The following NTRK3 variants were observed in gnomAD, a reference collection of about 807,000 sequenced individuals.
NTRK3 encodes the protein NT-3 growth factor receptor.
Under a neutral mutation model 91.7 loss-of-function variants are expected in NTRK3, and 24 were observed. The observed-to-expected ratio is 0.26, with a 90% CI of 0.19 to 0.37. NTRK3 has a LOEUF of 0.37. Among genes scored for constraint, NTRK3 ranks in the 10% least tolerant of loss-of-function variants. The pLI is 1.00. For synonymous variants in NTRK3, 483 were observed against 404.0 expected (o/e 1.20, Z -2.34); for missense variants, 880 against 1,068.9 (o/e 0.82, Z 2.46).
At chr15:87,933,926 C>T (rs1274867464) in intron 15 of NTRK3, among the ~76,000 whole-genome samples, 1 of 152,148 alleles carries the variant, frequency 6.6e-6, no homozygotes, top group African/African-American at 2.4e-5. Flanking sequence ...CAGAATGCCA[C>T]CATTCAGCCT....
exon 16 of NTRK3, chr15:87,933,167 G>A (rs2141957581): frequency 6.2e-7 from 1 of 1,614,142 alleles, no homozygotes; most frequent in Non-Finnish European, 8.5e-7. Flanking sequence ...GGGCAGCCAG[G>A]GTGGGATCCT....
chr15:87,882,836 G>C (rs2065326228), intron 17 of NTRK3, among the ~76,000 whole-genome samples: 1 of 151,954 alleles, frequency 6.6e-6, no homozygotes, highest in Non-Finnish European at 1.5e-5. Context: ...ATACCAAAAA[G>C]ACTACAGAAA....
intron 14 of NTRK3, among the ~76,000 whole-genome samples, chr15:87,983,092 A>G (rs2074435584): frequency 6.6e-6 from 1 of 152,176 alleles, no homozygotes. Context: ...TACCAAATGC[A>G]GTTCTATAGA....
At chr15:87,967,087 C>T (rs2072861736) in intron 14 of NTRK3, among the ~76,000 whole-genome samples, 1 of 152,170 alleles carries the variant, frequency 6.6e-6, no homozygotes, top group African/African-American at 2.4e-5. Context: ...CACTTAGTAG[C>T]AGAGTGTGTG....
At chr15:88,154,613 C>A (rs1197488141) in intron 5 of NTRK3, among the ~76,000 whole-genome samples, 1 of 152,138 alleles carries the variant, frequency 6.6e-6, no homozygotes, top group Admixed American at 6.5e-5. Flanking sequence ...AAAATGCTTT[C>A]TCTAATCAAA....
At chr15:88,135,206 T>C (rs1325321519) in exon 10 of NTRK3, 1 of 1,614,218 alleles carries the variant, frequency 6.2e-7, no homozygotes, top group Non-Finnish European at 8.5e-7. Flanking sequence ...TGGGTGGGCT[T>C]GTTGAAGAGC....
At chr15:88,231,956 T>C (rs2051226196) in intron 3 of NTRK3, among the ~76,000 whole-genome samples, 1 of 152,212 alleles carries the variant, frequency 6.6e-6, no homozygotes, top group South Asian at 2.1e-4. Context: ...TTCTTTAAGA[T>C]TGTCTTCCTA....
chr15:87,903,328 G>A (rs565447559), intron 17 of NTRK3, among the ~76,000 whole-genome samples: 1 of 152,350 alleles, frequency 6.6e-6, no homozygotes, highest in East Asian at 1.9e-4. Context: ...ATAAGATGCA[G>A]ACCAAGAAGT....
At chr15:87,877,502 TC>T (rs1245459117) in intron 18 of NTRK3, among the ~76,000 whole-genome samples, 1 of 152,048 alleles carries the variant, frequency 6.6e-6, no homozygotes, top group African/African-American at 2.4e-5. Context: ...GACCTGTCCC[TC>T]CCCCTTTCAT....
At chr15:88,232,362 C>T (rs4887213) in intron 3 of NTRK3, among the ~76,000 whole-genome samples, 117,336 of 151,450 alleles carry the variant, frequency 0.77, 47,545 homozygotes, top group East Asian at 0.96. Flanking sequence ...GCTCCCAGAC[C>T]TAGTTTATTC....
intron 17 of NTRK3, among the ~76,000 whole-genome samples, chr15:87,899,933 CT>C (rs1435581611): frequency 2.0e-5 from 3 of 152,114 alleles, no homozygotes. Context: ...CTAAAGCTTT[CT>C]TGGGAGTTGA....
chr15:88,139,746 C>T (rs12915839), intron 6 of NTRK3, among the ~76,000 whole-genome samples: 1 of 152,240 alleles, frequency 6.6e-6, no homozygotes. Context: ...AGGTCTTTGG[C>T]TGGTGTGCAA....
At chr15:88,002,348 C>A (rs963103262) in intron 14 of NTRK3, among the ~76,000 whole-genome samples, 3 of 151,830 alleles carry the variant, frequency 2.0e-5, no homozygotes, top group Non-Finnish European at 4.4e-5. Flanking sequence ...AGGCCTTGTT[C>A]AAAAAATTTC....
intron 13 of NTRK3, among the ~76,000 whole-genome samples, chr15:88,066,267 T>G (rs1304983054): frequency 1.3e-5 from 2 of 152,156 alleles, no homozygotes; most frequent in Non-Finnish European, 2.9e-5. Flanking sequence ...AGTTGGCCAT[T>G]AAAGACAAGT....
chr15:88,204,414 G>A (rs909168809), intron 3 of NTRK3, among the ~76,000 whole-genome samples: 8 of 152,086 alleles, frequency 5.3e-5, no homozygotes, highest in Admixed American at 1.3e-4. Context: ...CACAATTAAC[G>A]ATAACACATT....
At chr15:88,135,057 T>C (rs2041743824) in intron 10 of NTRK3, 44 bp downstream of exon 10, 3 of 1,609,502 alleles carry the variant, frequency 1.9e-6, no homozygotes, top group African/African-American at 1.3e-5. Flanking sequence ...CCCAAGCTTG[T>C]AGAAAGAATC....
chr15:88,034,686 A>G (rs2078912777), intron 13 of NTRK3, among the ~76,000 whole-genome samples: 4 of 152,220 alleles, frequency 2.6e-5, no homozygotes, highest in Admixed American at 1.3e-4. Flanking sequence ...TGAAGCACCA[A>G]TGAGGCAGAA....
chr15:87,993,568 GAC>G (rs2075447123), intron 14 of NTRK3, among the ~76,000 whole-genome samples: 1 of 152,034 alleles, frequency 6.6e-6, no homozygotes. Flanking sequence ...CATACACAGA[GAC>G]ACACACACAA....
chr15:88,161,160 A>G (rs1404240180), intron 5 of NTRK3, among the ~76,000 whole-genome samples: 1 of 152,212 alleles, frequency 6.6e-6, no homozygotes, highest in Non-Finnish European at 1.5e-5. Flanking sequence ...AGCTATCTTT[A>G]AGGGTTTTGC....
Sources: allele counts gnomAD v4.1 joint callset (sites outside exome capture counted in the v4.1 genomes callset), GRCh38; gene constraint gnomAD v4.1.1; transcripts MANE v1.5; gene names NCBI Gene and HGNC (gene_info 2026-07-23, HGNC 2026-07-21).